BOC: variants seen among roughly 807,000 people sequenced by gnomAD.
The protein encoded by BOC is BOC cell adhesion associated, oncogene regulated, also known as brother of CDO.
A neutral mutation model predicts 112.0 loss-of-function variants in BOC; 76 were observed. The ratio of observed to expected loss-of-function variants is 0.68; its 90% confidence interval spans 0.56 to 0.82. The LOEUF (loss-of-function observed/expected upper bound fraction) is 0.82, where lower values mean the gene tolerates loss of function less well. BOC is among the 40% of genes least tolerant of loss of function. The pLI is 0.00. For synonymous variants in BOC, 580 were observed against 599.8 expected, an observed-to-expected ratio of 0.97 and a Z score of 0.48; for missense variants, 1,309 against 1,511.7, an observed-to-expected ratio of 0.87 and a Z score of 2.22.
intron 4 of BOC, among the ~76,000 whole-genome samples, chr3:113,256,215 G>C (rs1946204748): frequency 6.6e-6 from 1 of 152,196 alleles, no homozygotes; most frequent in South Asian, 2.1e-4. Context: ...TCCATTCTGG[G>C]AGTGACCCTT....
Position 113,279,914 on chromosome 3 carries a change from A to C in BOC, c.2114A>C (p.Tyr705Ser), listed in dbSNP as rs143599686. Residue 705 changes from tyrosine to serine, a missense_variant, in exon 13 of 20, where the codon TAC (tyrosine) becomes TCC (serine). By Grantham distance (144) the Tyr-to-Ser change is moderately radical. Coordinates refer to ENST00000682979, the MANE Select transcript of BOC (RefSeq NM_001378074.1). Reference protein sequence around the residue: ...APSRPYVVSGYSGRVYERPVA... With the variant: ...APSRPYVVSGSSGRVYERPVA... ...TCTCGGCCCTACGTGGTGTCGGGCT[A>C]CAGCGGTCGCGTGTACGAGAGGCCC... The C allele has an allele frequency of 8.0e-4, 1,299 of 1,614,028 alleles. 1 individual carries two copies. Among genetic ancestry groups the C allele is most frequent in the Non-Finnish European group, 1.1e-3 (1,261 of 1,180,000 alleles).
rs747761965 is a variant in BOC, at chr3:113,285,423, C to A, written c.3018C>A (p.Asp1006Glu). Reference sequence around the variant, plus strand: ...GCTCTTTCTTATACACACTGCCCGACGACTCCACTCACCAGCTGCTGCAGC... The same window carrying A: ...GCTCTTTCTTATACACACTGCCCGAAGACTCCACTCACCAGCTGCTGCAGC... ...DEGSFLYTLP[D>E]DSTHQLLQPH... The change falls in exon 19 of 20, where the codon GAC becomes GAA. Residue 1006 changes from aspartate to glutamate, a missense_variant. Coordinates refer to ENST00000682979, the MANE Select transcript of BOC (RefSeq NM_001378074.1). 1.2e-6 allele frequency: 2 copies of A among 1,613,766 alleles called. No homozygotes were observed. Among genetic ancestry groups the A allele is most frequent in the African/African-American group, 2.7e-5 (2 of 74,926 alleles).
intron 4 of BOC, among the ~76,000 whole-genome samples, chr3:113,265,241 C>A (rs1947341617): frequency 6.6e-6 from 1 of 152,178 alleles, no homozygotes; most frequent in South Asian, 2.1e-4. Context: ...GAGATGGCAT[C>A]CTGGTGCCAA....
chr3:113,278,822 C>T lies in BOC; in HGVS notation c.1816+39C>T, dbSNP rs1451559510. Reference sequence around the variant, plus strand: ...AGCAGGGACGGACGCGCAGTCAGGACTGGAACTGCCTCAGAGGCCTGTTCC... The same window carrying T: ...AGCAGGGACGGACGCGCAGTCAGGATTGGAACTGCCTCAGAGGCCTGTTCC... On this transcript the variant is annotated intron_variant, in intron 11 of 19. Transcript: ENST00000682979. The surrounding 1 kb of genome is among the most constrained non-coding windows in gnomAD (Gnocchi z 4.2). The T allele has an allele frequency of 2.0e-6, 3 of 1,523,986 alleles. No individual in the cohort carries two copies. In the African/African-American group the frequency reaches 4.1e-5, roughly 21 times the overall value. 94.4% of individuals were successfully genotyped at this position (1,523,986 alleles called of 1,614,324 possible). A position where few individuals can be genotyped will look rare whatever the true frequency, so the allele number is the denominator to read the frequency against.
intron 2 of BOC, among the ~76,000 whole-genome samples, chr3:113,229,448 C>T (rs994345759): frequency 2.6e-5 from 4 of 152,182 alleles, no homozygotes; most frequent in Admixed American, 6.5e-5. Context: ...TATCCCTGCC[C>T]CTAGAAGCAA....
chr3:113,267,064 G>A (rs1233902337), intron 4 of BOC, among the ~76,000 whole-genome samples: 1 of 152,208 alleles, frequency 6.6e-6, no homozygotes, highest in Non-Finnish European at 1.5e-5. Context: ...TCCCAATGCT[G>A]TCAGTCCCGG....
At chr3:113,233,148 GGTGTGTGTGTGTGTGTGTGTGT>G (rs59444901) in intron 2 of BOC, among the ~76,000 whole-genome samples, 1 of 123,960 alleles carries the variant, frequency 8.1e-6, no homozygotes, top group African/African-American at 3.1e-5. Flanking sequence ...AAAGGATTGG[GGTGTGTGTGTGTGTGTGTGTGT>G]GTGTGTGTGT....
rs1948421334 is a variant in BOC, at chr3:113,274,093, C to T, written c.1235-282C>T. ...CTCGGGAGAAAATTGAGTTAGTTCA[C>T]TGGAGATGCACCTCACGTGGATTCA... On this transcript the variant is annotated intron_variant, in intron 8 of 19. Coordinates refer to ENST00000682979, the MANE Select transcript of BOC (RefSeq NM_001378074.1). This position sits in a 1 kb window ranked among gnomAD's most constrained non-coding sequence, Gnocchi z 4.8. 6.6e-6 allele frequency among the ~76,000 whole-genome samples: 1 copy of T among 152,212 alleles called. No homozygotes were observed. Among genetic ancestry groups the T allele is most frequent in the South Asian group, 2.1e-4 (1 of 4,828 alleles).
At chr3:113,275,253 T>A (rs775225) in intron 9 of BOC, among the ~76,000 whole-genome samples, 2,535 of 150,686 alleles carry the variant, frequency 0.017, 82 homozygotes, top group African/African-American at 0.06. Context: ...AAGCACATCA[T>A]GTTGTTCAGA....
In BOC at chr3:113,279,832, T is replaced by C. The variant is rs1949026076; in HGVS notation, c.2032T>C (p.Tyr678His). ...AGTGTCCCTCTCACCAGGCACCTCCTACAAGTTTCGAGTCCGGGCTCTGAA... is the reference window on the plus strand; with the variant it reads ...AGTGTCCCTCTCACCAGGCACCTCCCACAAGTTTCGAGTCCGGGCTCTGAA... ...EITGLEKGTS[Y>H]KFRVRALNML... Residue 678 changes from tyrosine (Y) to histidine (H), a missense_variant, in exon 13 of 20, where the codon TAC becomes CAC. Coordinates refer to ENST00000682979, the MANE Select transcript of BOC (RefSeq NM_001378074.1). The C allele has an allele frequency of 6.2e-7, 1 of 1,606,380 alleles. No individual in the cohort carries two copies. The highest frequency in any genetic ancestry group is 8.5e-7 in the Non-Finnish European group (1 of 1,175,822).
chr3:113,212,941 C>T (rs1938526680), intron 1 of BOC, among the ~76,000 whole-genome samples: 1 of 152,074 alleles, frequency 6.6e-6, no homozygotes, highest in Admixed American at 6.5e-5. Flanking sequence ...ATTTGCTTTT[C>T]CAGGTGATGG....
chr3:113,255,601 T>G (rs1286493805), intron 4 of BOC, among the ~76,000 whole-genome samples: 1 of 152,196 alleles, frequency 6.6e-6, no homozygotes, highest in Non-Finnish European at 1.5e-5. Flanking sequence ...GGAATTTTAG[T>G]CCTCAAGTTA....
intron 2 of BOC, among the ~76,000 whole-genome samples, chr3:113,228,137 A>C (rs1171904375): frequency 6.6e-6 from 1 of 152,200 alleles, no homozygotes; most frequent in Non-Finnish European, 1.5e-5. Context: ...CCCAGAGCCG[A>C]GTATTTAATG....
chr3:113,251,242 G>A (rs532524657), intron 4 of BOC: 568 of 361,044 alleles, frequency 1.6e-3, no homozygotes, highest in South Asian at 5.5e-3. Flanking sequence ...AGTTACAGTC[G>A]GAGCAGGGAG....
chr3:113,212,244 G>T (rs1938310037), intron 1 of BOC: 1 of 151,700 alleles, frequency 6.6e-6, no homozygotes, highest in African/African-American at 2.4e-5. Context: ...AGAAGTTGGG[G>T]CGAGGCGGGC....
chr3:113,222,735 C>T (rs1940961611), intron 2 of BOC, among the ~76,000 whole-genome samples: 1 of 152,224 alleles, frequency 6.6e-6, no homozygotes, highest in South Asian at 2.1e-4. Flanking sequence ...CTCATACCAC[C>T]AGCAGTTTGC....
intron 2 of BOC, among the ~76,000 whole-genome samples, chr3:113,232,926 G>C (rs1279558192): frequency 1.3e-5 from 2 of 152,128 alleles, no homozygotes; most frequent in Non-Finnish European, 2.9e-5. Context: ...GTGCCAAACT[G>C]TTCCTTTTAA....
chr3:113,278,285 A>G lies in BOC; in HGVS notation c.1705+28A>G. ...GAGAGTCAAACATTGCCCCTTGCTT[A>G]GGGTTTCCGTGGGTCTAAGCAAGTT... On this transcript the variant is annotated intron_variant, in intron 10 of 19. Transcript: ENST00000682979. The surrounding 1 kb of genome is among the most constrained non-coding windows in gnomAD (Gnocchi z 4.2). 7.4e-6 allele frequency: 12 copies of G among 1,611,952 alleles called. No individual in the cohort carries two copies. Among genetic ancestry groups the G allele is most frequent in the Non-Finnish European group, 8.5e-6 (10 of 1,178,346 alleles).
At position 113,281,169 on chromosome 3, in the gene BOC, T is replaced by C; in HGVS notation, c.2434+16T>C. On this transcript the variant is annotated intron_variant, in intron 15 of 19. Coordinates refer to ENST00000682979, the MANE Select transcript of BOC (RefSeq NM_001378074.1). ...GAGACCAAAGGTGAAGCTCTTTGGG[T>C]TCTCTCTCCTGTCTTGGTGTTTCCA... is the stretch of plus-strand genomic sequence containing the variant. 6.2e-7 allele frequency: 1 copy of C among 1,613,682 alleles called. No homozygotes were observed. The highest frequency in any genetic ancestry group is 1.3e-5 in the African/African-American group (1 of 74,998).
Sources: gnomAD v4.1 joint callset for allele counts (sites outside exome capture counted in the v4.1 genomes callset) on GRCh38, gnomAD v4.1.1 for gene constraint, Gnocchi (gnomAD v3.1) non-coding constraint, MANE v1.5 for transcripts, NCBI Gene and HGNC (gene_info 2026-07-23, HGNC 2026-07-21) for gene names.